Variants in FARP1 observed in about 807,000 individuals in gnomAD.
The protein encoded by FARP1 is FERM, ARHGEF and pleckstrin domain-containing protein 1.
A neutral mutation model predicts 128.8 loss-of-function variants in FARP1; 52 were observed. That is an observed-to-expected ratio of 0.40 (90% CI 0.32 to 0.51). The LOEUF is 0.51. Among genes scored for constraint, FARP1 ranks in the 20% least tolerant of loss-of-function variants. FARP1 has a pLI of 0.45. For missense variants in FARP1, 1,333 were observed against 1,367.9 expected, an observed-to-expected ratio of 0.97 and a Z score of 0.40; for synonymous variants, 580 against 551.8, an observed-to-expected ratio of 1.05 and a Z score of -0.72.
intron 1 of FARP1, among the ~76,000 whole-genome samples, chr13:98,153,485 A>ATTTAT (rs1201011695): frequency 1.1e-4 from 3 of 26,410 alleles, no homozygotes; most frequent in Non-Finnish European, 3.5e-4. Flanking sequence ...TATAATATAT[A>ATTTAT]ATACATTATA....
rs1889155744 is a variant in FARP1 at position 98,367,708 on chromosome 13, G to A, written c.320-409G>A. 2.0e-5 allele frequency among the ~76,000 whole-genome samples: 3 copies of A among 152,232 alleles called. No homozygotes were observed. In the South Asian group the frequency reaches 6.2e-4, roughly 32 times the overall value. ...CCTAGAGGCTGAAAACATATTTGAT[G>A]AACATATTAGCAACTGTACCTTATA... On this transcript the variant is annotated intron_variant, in intron 4 of 26. Coordinates refer to ENST00000319562, the MANE Select transcript of FARP1 (RefSeq NM_005766.4).
chr13:98,311,433 G>T (rs1173665184), intron 2 of FARP1, among the ~76,000 whole-genome samples: 1 of 152,138 alleles, frequency 6.6e-6, no homozygotes, highest in Non-Finnish European at 1.5e-5. Context: ...TTCCTGTTAG[G>T]GCAATGAATT....
Position 98,395,248 on chromosome 13 carries a change from A to G in FARP1, c.1186A>G (p.Thr396Ala), listed in dbSNP as rs774475228. The G allele has an allele frequency of 1.3e-5, 21 of 1,601,964 alleles. No homozygotes were observed. The African/African-American group carries it at 2.5e-4, about 19-fold the overall frequency. ...CCAGTCTCAGCAGAGCACCAGCCTT[A>G]CATTTGGAGAAGGTGCCGAATCTCC... ...LEQSQQSTSLTFGEGAESPGG... is the reference protein window; with the variant it reads ...LEQSQQSTSLAFGEGAESPGG... The change falls in exon 13 of 27, where the codon ACA becomes GCA. Residue 396 changes from threonine (T) to alanine (A), a missense_variant. Physicochemically the swap from Thr to Ala is moderately conservative, Grantham distance 58. Transcript: ENST00000319562.
At chr13:98,333,476 C>A (rs1212301531) in intron 2 of FARP1, 5 of 149,672 alleles carry the variant, frequency 3.3e-5, no homozygotes, top group African/African-American at 1.0e-4. Flanking sequence ...CACACACACA[C>A]ACAAAATCTA....
At chr13:98,311,938 G>T (rs1886479675) in intron 2 of FARP1, among the ~76,000 whole-genome samples, 1 of 150,866 alleles carries the variant, frequency 6.6e-6, no homozygotes, top group Non-Finnish European at 1.5e-5. Flanking sequence ...CCGCCTCCCA[G>T]GTTCAAGCAG....
chr13:98,256,648 C>T (rs1883601869), intron 2 of FARP1, among the ~76,000 whole-genome samples: 1 of 151,606 alleles, frequency 6.6e-6, no homozygotes, highest in African/African-American at 2.4e-5. Flanking sequence ...CAACCTCCAC[C>T]TCCCAGGTTC....
At chr13:98,251,195 C>T (rs1883305384) in intron 2 of FARP1, among the ~76,000 whole-genome samples, 2 of 152,178 alleles carry the variant, frequency 1.3e-5, no homozygotes, top group African/African-American at 2.4e-5. Flanking sequence ...AACTGGAAGA[C>T]CTGGATGCCC....
In FARP1 at chr13:98,393,673, C is replaced by G. The variant is rs1278527250; in HGVS notation, c.1119C>G (p.Ser373Arg). ...RKHSKIHSIR[S>R]LASQPTELNS... ...ACAGCAAGATTCATTCTATCCGGAGCCTTGCTTCACAGCCTACAGAACTGA... is the reference window on the plus strand; with the variant it reads ...ACAGCAAGATTCATTCTATCCGGAGGCTTGCTTCACAGCCTACAGAACTGA... Residue 373 changes from serine to arginine, a missense_variant, in exon 12 of 27, where the codon AGC becomes AGG. By Grantham distance (110) the Ser-to-Arg change is moderately radical (BLOSUM62 -1). Transcript: ENST00000319562. The G allele has an allele frequency of 1.2e-6, 2 of 1,614,042 alleles. No homozygotes were observed. Among genetic ancestry groups the G allele is most frequent in the Non-Finnish European group, 1.7e-6 (2 of 1,179,908 alleles).
intron 2 of FARP1, among the ~76,000 whole-genome samples, chr13:98,308,456 C>G (rs1047268579): frequency 2.0e-5 from 3 of 151,906 alleles, no homozygotes; most frequent in African/African-American, 4.8e-5. Flanking sequence ...GGGGAATGGA[C>G]GAAGATAGAA....
intron 3 of FARP1, among the ~76,000 whole-genome samples, chr13:98,357,693 G>A (rs1291178932): frequency 2.6e-5 from 4 of 152,188 alleles, no homozygotes; most frequent in East Asian, 1.9e-4. Context: ...TCTGTCATTC[G>A]TGTGAGTTCT....
rs1888519447 is a variant in FARP1, at chr13:98,353,486, C to A, written c.276+9620C>A. Among the ~76,000 whole-genome samples, 3 of 152,174 alleles carry A rather than the reference C, an allele frequency of 2.0e-5. No individual in the cohort carries two copies. In the South Asian group the frequency reaches 6.2e-4, roughly 32 times the overall value. On this transcript the variant is annotated intron_variant, in intron 3 of 26. Coordinates refer to ENST00000319562, the MANE Select transcript of FARP1 (RefSeq NM_005766.4). ...CTCCGCCTCCCAGGTTCAAGTGATC[C>A]TCCTGTCTCAGCCTCCCGAGTAGCT...
At chr13:98,245,050 T>C (rs1882986600) in intron 2 of FARP1, 4 of 1,048,730 alleles carry the variant, frequency 3.8e-6, no homozygotes, top group Non-Finnish European at 4.6e-6. Flanking sequence ...TTTGGTTTAT[T>C]GCTAGTGCAG....
At chr13:98,277,620 G>A (rs1884722635) in intron 2 of FARP1, among the ~76,000 whole-genome samples, 1 of 152,202 alleles carries the variant, frequency 6.6e-6, no homozygotes, top group African/African-American at 2.4e-5. Context: ...GACCTTCGGG[G>A]ACGCCACCTT....
At chr13:98,263,323 A>C (rs959790067) in intron 2 of FARP1, among the ~76,000 whole-genome samples, 5 of 152,120 alleles carry the variant, frequency 3.3e-5, no homozygotes, top group African/African-American at 1.2e-4. Context: ...ACTTTTATTT[A>C]TAATGTTTAT....
chr13:98,418,252 ATTTG>A (rs1374017006), intron 16 of FARP1, among the ~76,000 whole-genome samples: 2 of 141,876 alleles, frequency 1.4e-5, no homozygotes, highest in Non-Finnish European at 3.0e-5. Flanking sequence ...TTACATGTTT[ATTTG>A]TTTGTTTTGT....
intron 2 of FARP1, among the ~76,000 whole-genome samples, chr13:98,226,256 T>C (rs1027926779): frequency 1.3e-5 from 2 of 152,240 alleles, no homozygotes; most frequent in African/African-American, 4.8e-5. Flanking sequence ...GCTGGTAATC[T>C]GTGGCATTCC....
At chr13:98,180,017 G>A (rs1878396934) in intron 1 of FARP1, among the ~76,000 whole-genome samples, 1 of 152,250 alleles carries the variant, frequency 6.6e-6, no homozygotes, top group Admixed American at 6.5e-5. Context: ...GCCGGGCTAG[G>A]GAAAGGGTAG....
At chr13:98,189,182 G>A (rs1247930235) in intron 1 of FARP1, among the ~76,000 whole-genome samples, 1 of 152,010 alleles carries the variant, frequency 6.6e-6, no homozygotes, top group African/African-American at 2.4e-5. Context: ...CCAAGAACAT[G>A]AACCCATGCC....
At chr13:98,400,952 A>G (rs969711889) in intron 13 of FARP1, 1 of 140,488 alleles carries the variant, frequency 7.1e-6, no homozygotes, top group African/African-American at 3.3e-5. Flanking sequence ...GGAGTTATTT[A>G]TATCTTACTG....
Sources: gnomAD v4.1 joint callset for allele counts (sites outside exome capture counted in the v4.1 genomes callset) on GRCh38, gnomAD v4.1.1 for gene constraint, MANE v1.5 for transcripts, NCBI Gene and HGNC (gene_info 2026-07-23, HGNC 2026-07-21) for gene names.